ZFAT: variants seen among roughly 807,000 people sequenced by gnomAD.
ZFAT encodes the protein zinc finger protein ZFAT.
ZFAT carries 64 observed loss-of-function variants against 117.7 expected under a neutral mutation model. The observed-to-expected ratio is 0.54, with a 90% CI of 0.44 to 0.67. The LOEUF (loss-of-function observed/expected upper bound fraction) is 0.67. Among genes scored for constraint, ZFAT ranks in the 30% least tolerant of loss-of-function variants. The pLI is 0.00. For missense variants in ZFAT, 1,433 were observed against 1,584.5 expected (o/e 0.90, Z 1.62); for synonymous variants, 679 against 615.0 (o/e 1.10, Z -1.54).
At chr8:134,741,073 T>C in the ZFAT span, among the ~76,000 whole-genome samples, 8 of 152,224 alleles carry the variant, frequency 5.3e-5, no homozygotes, top group South Asian at 1.7e-3. Context: ...TCAATAAAAA[T>C]CATACTATGA....
chr8:134,724,607 G>T, the ZFAT span, among the ~76,000 whole-genome samples: 1 of 152,048 alleles, frequency 6.6e-6, no homozygotes, highest in East Asian at 1.9e-4. Context: ...AGCCCTGCTG[G>T]TAGGTGGCCA....
chr8:134,580,754 T>C (rs1180351393), intron 10 of ZFAT, among the ~76,000 whole-genome samples: 1 of 152,204 alleles, frequency 6.6e-6, no homozygotes, highest in Non-Finnish European at 1.5e-5. Flanking sequence ...TCTATAAATA[T>C]ACTGAGTCAA....
chr8:134,524,174 A>G (rs1204690779), intron 12 of ZFAT, among the ~76,000 whole-genome samples: 1 of 152,004 alleles, frequency 6.6e-6, no homozygotes, highest in East Asian at 1.9e-4. Context: ...CCCTCTGTAC[A>G]CATCTGTCCC....
intron 1 of ZFAT, among the ~76,000 whole-genome samples, chr8:134,665,274 T>C (rs1441422299): frequency 1.3e-5 from 2 of 152,142 alleles, no homozygotes; most frequent in Admixed American, 1.3e-4. Context: ...GCAGACATGA[T>C]CAGATGGAGT....
At chr8:134,829,482 T>C in the ZFAT span, among the ~76,000 whole-genome samples, 641 of 152,326 alleles carry the variant, frequency 4.2e-3, 17 homozygotes, top group East Asian at 0.088. Context: ...ATACTTTTGG[T>C]AAAGAGAGAA....
In ZFAT at chr8:134,610,661, G is replaced by A. The variant is rs1335391162; in HGVS notation, c.449-6C>T. 8 of 1,613,372 alleles carry A rather than the reference G, an allele frequency of 5.0e-6. No individual in the cohort carries two copies. Among genetic ancestry groups the A allele is most frequent in the Non-Finnish European group, 6.8e-6 (8 of 1,179,890 alleles). ...TTCAAGGTCAGACTCGTTACCTAAG[G>A]AGCAAATACCAAGATGCATAAGGTA... On this transcript the variant is annotated splice_polypyrimidine_tract_variant and splice_region_variant and intron_variant, in intron 3 of 15. Transcript: ENST00000377838.
intron 5 of ZFAT, among the ~76,000 whole-genome samples, chr8:134,604,680 A>C (rs1827751986): frequency 6.6e-6 from 1 of 152,242 alleles, no homozygotes; most frequent in Non-Finnish European, 1.5e-5. Flanking sequence ...TATAGTTATA[A>C]AACTATCCAC....
At position 134,596,967 on chromosome 8, in the gene ZFAT, T is replaced by C. The variant is rs557720400; in HGVS notation, c.2475+3469A>G. 3.3e-5 allele frequency among the ~76,000 whole-genome samples: 5 copies of C among 150,060 alleles called. No homozygotes were observed. The East Asian group carries it at 8.1e-4, about 24-fold the overall frequency. Reference sequence around the variant, plus strand: ...GCTCTGAAATTAGCTGTGGTGATGATAATTGCACAACTCCGTGGATATACT... The same window carrying C: ...GCTCTGAAATTAGCTGTGGTGATGACAATTGCACAACTCCGTGGATATACT... On this transcript the variant is annotated intron_variant, in intron 7 of 15. Coordinates refer to ENST00000377838, the MANE Select transcript of ZFAT (RefSeq NM_020863.4).
intron 12 of ZFAT, among the ~76,000 whole-genome samples, chr8:134,529,458 A>C (rs543658155): frequency 6.6e-6 from 1 of 152,352 alleles, no homozygotes; most frequent in East Asian, 1.9e-4. Flanking sequence ...AGAATGCTTC[A>C]AATCCATATT....
rs752848073 is a variant in ZFAT at position 134,649,165 on chromosome 8, TCACA to T, written c.196+8392_196+8395del. Among the ~76,000 whole-genome samples the T allele has an allele frequency of 3.0e-3, 233 of 77,028 alleles. 1 individual carries two copies. Among genetic ancestry groups the T allele is most frequent in the Admixed American group, 5.3e-3 (36 of 6,744 alleles). The allele number at this position is 77,028 out of a possible 152,430, so 50.5% of individuals were successfully genotyped here. On this transcript the variant is annotated intron_variant, in intron 2 of 15. Transcript: ENST00000377838. ...TAACCTAATGAAGAACATCTATCTC[TCACA>T]CACACACACACACACACACACACAC...
At chr8:134,556,718 A>G (rs1018676807) in intron 11 of ZFAT, among the ~76,000 whole-genome samples, 2 of 152,164 alleles carry the variant, frequency 1.3e-5, no homozygotes, top group African/African-American at 4.8e-5. Context: ...TGAAGACCAC[A>G]TACAGACATT....
chr8:134,599,405 ATG>A (rs780569253), intron 7 of ZFAT: 18 of 227,070 alleles, frequency 7.9e-5, no homozygotes, highest in Admixed American at 1.6e-4. Flanking sequence ...GTATATGCAT[ATG>A]TGTGTGGATG....
chr8:134,499,718 T>C (rs900272383), intron 15 of ZFAT, among the ~76,000 whole-genome samples: 4 of 152,238 alleles, frequency 2.6e-5, no homozygotes, highest in African/African-American at 9.6e-5. Context: ...ACAAGCCCCC[T>C]GATGCTGACA....
chr8:134,655,752 C>G (rs974657322), intron 2 of ZFAT, among the ~76,000 whole-genome samples: 1 of 152,168 alleles, frequency 6.6e-6, no homozygotes, highest in Non-Finnish European at 1.5e-5. Flanking sequence ...TTTGCAAGAG[C>G]CAGTCTAGAA....
the ZFAT span, chr8:134,766,210 A>T: frequency 2.0e-5 from 3 of 152,244 alleles, no homozygotes; most frequent in African/African-American, 7.2e-5. Context: ...CCTTTCTAAC[A>T]TGACTGAATG....
At chr8:134,685,087 G>A (rs1416289686) in intron 1 of ZFAT, among the ~76,000 whole-genome samples, 7 of 152,016 alleles carry the variant, frequency 4.6e-5, no homozygotes, top group Admixed American at 1.3e-4. Context: ...TCACACAGAC[G>A]TTCCTATTAG....
intron 3 of ZFAT, among the ~76,000 whole-genome samples, chr8:134,618,172 G>A (rs1254253925): frequency 6.6e-6 from 1 of 152,028 alleles, no homozygotes; most frequent in African/African-American, 2.4e-5. Flanking sequence ...TTTATCAGCA[G>A]TGTGAAAACA....
chr8:134,658,554 C>T (rs1166237259), intron 1 of ZFAT, among the ~76,000 whole-genome samples: 1 of 152,100 alleles, frequency 6.6e-6, no homozygotes, highest in East Asian at 1.9e-4. Flanking sequence ...TTAAAGCACT[C>T]TCATTGTTCA....
chr8:134,673,300 T>C (rs1832646091), intron 1 of ZFAT: 1 of 152,616 alleles, frequency 6.6e-6, no homozygotes, highest in Admixed American at 6.5e-5. Context: ...CACTGCTATC[T>C]GTGCAGAAAG....
Sources: allele counts gnomAD v4.1 joint callset (sites outside exome capture counted in the v4.1 genomes callset), GRCh38; gene constraint gnomAD v4.1.1; transcripts MANE v1.5; gene names NCBI Gene and HGNC (gene_info 2026-07-23, HGNC 2026-07-21).